Variants in GABRG3 observed in about 807,000 individuals in gnomAD.
The protein encoded by GABRG3 is gamma-aminobutyric acid receptor subunit gamma-3.
A neutral mutation model predicts 48.8 loss-of-function variants in GABRG3; 25 were observed. The ratio of observed to expected loss-of-function variants is 0.51; its 90% CI spans 0.37 to 0.72. The LOEUF (loss-of-function observed/expected upper bound fraction) is 0.72. Among genes scored for constraint, GABRG3 ranks in the 30% least tolerant of loss-of-function variants. The pLI, the probability that GABRG3 is intolerant of heterozygous loss-of-function variation, is 0.00. For missense variants in GABRG3, 394 were observed against 577.9 expected, an observed-to-expected ratio of 0.68 and a Z score of 3.26; for synonymous variants, 227 against 217.6, an observed-to-expected ratio of 1.04 and a Z score of -0.38.
chr15:27,116,246 G>T (rs1897639571), intron 3 of GABRG3, among the ~76,000 whole-genome samples: 1 of 152,172 alleles, frequency 6.6e-6, no homozygotes, highest in Non-Finnish European at 1.5e-5. Context: ...CCCAAAGACG[G>T]AACCTAGCTG....
chr15:27,019,569 A>G (rs1212892238), intron 2 of GABRG3, among the ~76,000 whole-genome samples: 2 of 152,226 alleles, frequency 1.3e-5, no homozygotes, highest in Non-Finnish European at 2.9e-5. Context: ...AGTGCCATGT[A>G]ATAAATCTTA....
intron 3 of GABRG3, among the ~76,000 whole-genome samples, chr15:27,301,043 C>T (rs1892188106): frequency 6.6e-6 from 1 of 151,926 alleles, no homozygotes. Flanking sequence ...GACATATGAT[C>T]AAGTTAAGTG....
chr15:27,101,827 C>T (rs1399419462), intron 3 of GABRG3, among the ~76,000 whole-genome samples: 3 of 95,192 alleles, frequency 3.2e-5, no homozygotes, highest in South Asian at 3.2e-4. Context: ...CTAACAGTAA[C>T]GATAGCTGAT....
chr15:27,448,300 G>A (rs539738726), intron 5 of GABRG3, among the ~76,000 whole-genome samples: 2 of 152,250 alleles, frequency 1.3e-5, no homozygotes, highest in Admixed American at 6.5e-5. Flanking sequence ...TGGACGTGGA[G>A]GGCACAAATG....
intron 6 of GABRG3, among the ~76,000 whole-genome samples, chr15:27,513,580 G>GA (rs1566874615): frequency 6.6e-6 from 1 of 151,856 alleles, no homozygotes; most frequent in Non-Finnish European, 1.5e-5. Context: ...TGAATAGTAA[G>GA]AAAAAAATGA....
chr15:27,444,922 A>C (rs1888898168), intron 5 of GABRG3, among the ~76,000 whole-genome samples: 1 of 152,058 alleles, frequency 6.6e-6, no homozygotes, highest in Non-Finnish European at 1.5e-5. Flanking sequence ...CCCAGGCTGC[A>C]GTGCAATTGT....
intron 3 of GABRG3, among the ~76,000 whole-genome samples, chr15:27,227,051 G>A (rs989514342): frequency 1.3e-5 from 2 of 152,334 alleles, no homozygotes; most frequent in Non-Finnish European, 2.9e-5. Context: ...CACATGAGGT[G>A]CATAAACAGC....
At chr15:27,147,421 C>T (rs911691472) in intron 3 of GABRG3, among the ~76,000 whole-genome samples, 1 of 151,978 alleles carries the variant, frequency 6.6e-6, no homozygotes, top group Non-Finnish European at 1.5e-5. Flanking sequence ...AGAAGATTAA[C>T]AAGGACATAG....
chr15:27,220,596 C>T (rs945256686), intron 3 of GABRG3, among the ~76,000 whole-genome samples: 1 of 152,178 alleles, frequency 6.6e-6, no homozygotes, highest in Non-Finnish European at 1.5e-5. Flanking sequence ...CATTTTCCAT[C>T]TGGTAGGGGC....
intron 3 of GABRG3, among the ~76,000 whole-genome samples, chr15:27,128,829 C>T (rs1489453612): frequency 1.3e-5 from 2 of 152,144 alleles, no homozygotes; most frequent in Non-Finnish European, 2.9e-5. Context: ...CAGAACGATA[C>T]TGTGTGTCTC....
chr15:27,431,304 A>ATT (rs1210215843), intron 5 of GABRG3, among the ~76,000 whole-genome samples: 1 of 152,134 alleles, frequency 6.6e-6, no homozygotes, highest in Non-Finnish European at 1.5e-5. Context: ...AAATTGCATC[A>ATT]TTTTTGTAAC....
chr15:27,068,714 A>T (rs1415037130), intron 3 of GABRG3, among the ~76,000 whole-genome samples: 1 of 152,214 alleles, frequency 6.6e-6, no homozygotes, highest in Non-Finnish European at 1.5e-5. Context: ...TTAGCTAGTC[A>T]TGGATATGAC....
At chr15:27,046,169 C>T (rs1369274450) in intron 3 of GABRG3, among the ~76,000 whole-genome samples, 1 of 152,168 alleles carries the variant, frequency 6.6e-6, no homozygotes, top group African/African-American at 2.4e-5. Context: ...TCTCAGCTCA[C>T]CGCAACGTCC....
chr15:27,148,993 C>T (rs1898260684), intron 3 of GABRG3, among the ~76,000 whole-genome samples: 1 of 151,970 alleles, frequency 6.6e-6, no homozygotes, highest in Non-Finnish European at 1.5e-5. Flanking sequence ...GAGGTTCTAC[C>T]TAGTGCAGGC....
At chr15:27,202,483 A>G (rs1417007100) in intron 3 of GABRG3, among the ~76,000 whole-genome samples, 1 of 152,184 alleles carries the variant, frequency 6.6e-6, no homozygotes, top group Non-Finnish European at 1.5e-5. Context: ...GTAAATTTTA[A>G]TAGATTGGCA....
At chr15:27,046,476 T>C (rs186667670) in intron 3 of GABRG3, among the ~76,000 whole-genome samples, 1 of 152,336 alleles carries the variant, frequency 6.6e-6, no homozygotes, top group Admixed American at 6.5e-5. Flanking sequence ...TCCAGCTGCA[T>C]GAAGACAGCC....
chr15:27,470,793 G>A (rs1437506358), intron 5 of GABRG3, among the ~76,000 whole-genome samples: 2 of 151,692 alleles, frequency 1.3e-5, no homozygotes, highest in Non-Finnish European at 2.9e-5. Context: ...AGACAATTTT[G>A]TAAGTATAGT....
chr15:27,387,938 A>AAGAG (rs1226846361), intron 5 of GABRG3, among the ~76,000 whole-genome samples: 1 of 47,286 alleles, frequency 2.1e-5, no homozygotes, highest in Non-Finnish European at 4.2e-5. Context: ...GAGGGAGGGA[A>AAGAG]GGAGGGAAAG....
intron 5 of GABRG3, among the ~76,000 whole-genome samples, chr15:27,367,720 G>A (rs1895257968): frequency 6.6e-6 from 1 of 152,076 alleles, no homozygotes; most frequent in Non-Finnish European, 1.5e-5. Flanking sequence ...AACTTTATAT[G>A]GTTGATTATT....
Sources: gnomAD v4.1 joint callset for allele counts (sites outside exome capture counted in the v4.1 genomes callset) on GRCh38, gnomAD v4.1.1 for gene constraint, MANE v1.5 for transcripts, NCBI Gene and HGNC (gene_info 2026-07-23, HGNC 2026-07-21) for gene names.